The following UNC5C variants were observed in gnomAD, a reference collection of about 807,000 sequenced individuals.
The protein encoded by UNC5C is netrin receptor UNC5C.
In UNC5C, 47 loss-of-function variants were observed where a neutral mutation model predicts 99.8. The observed-to-expected ratio is 0.47, with a 90% CI of 0.37 to 0.60. The LOEUF is 0.60. Among genes scored for constraint, UNC5C ranks in the 20% least tolerant of loss-of-function variants. The probability of loss-of-function intolerance (pLI) is 0.00; values close to 1 mark genes in which losing one functional copy is unlikely to be tolerated. For synonymous variants in UNC5C, 487 were observed against 452.2 expected (o/e 1.08, Z -0.98); for missense variants, 1,062 against 1,165.9 (o/e 0.91, Z 1.30).
At chr4:95,226,497 AG>A (rs1366764461) in intron 7 of UNC5C, among the ~76,000 whole-genome samples, 1 of 152,210 alleles carries the variant, frequency 6.6e-6, no homozygotes, top group African/African-American at 2.4e-5. Context: ...TGGGTCCTTA[AG>A]GGATTTTATC....
At chr4:95,484,274 G>A (rs2149479124) in intron 1 of UNC5C, among the ~76,000 whole-genome samples, 1 of 151,978 alleles carries the variant, frequency 6.6e-6, no homozygotes, top group South Asian at 2.1e-4. Context: ...TTGAGCAAAG[G>A]AGTGATATGA....
chr4:95,498,484 A>G (rs1425551103), intron 1 of UNC5C, among the ~76,000 whole-genome samples: 2 of 152,056 alleles, frequency 1.3e-5, no homozygotes, highest in Non-Finnish European at 2.9e-5. Context: ...TTCTAAAAAC[A>G]CTGAATGAGA....
At chr4:95,288,081 T>TATTTATTTATTTATTC (rs1741303435) in intron 3 of UNC5C, among the ~76,000 whole-genome samples, 1 of 150,904 alleles carries the variant, frequency 6.6e-6, no homozygotes, top group Non-Finnish European at 1.5e-5. Context: ...TTTATTTATT[T>TATTTATTTATTTATTC]ATTTATTTAT....
chr4:95,423,827 A>G (rs1746387458), intron 1 of UNC5C, among the ~76,000 whole-genome samples: 1 of 152,200 alleles, frequency 6.6e-6, no homozygotes, highest in South Asian at 2.1e-4. Flanking sequence ...GAGCCAGGCT[A>G]TAGTAACACT....
At chr4:95,293,487 T>A (rs1161573422) in intron 3 of UNC5C, among the ~76,000 whole-genome samples, 1 of 151,680 alleles carries the variant, frequency 6.6e-6, no homozygotes, top group Non-Finnish European at 1.5e-5. Context: ...TTGGTTAATT[T>A]TTTTTGGCTT....
chr4:95,532,853 G>T (rs913875945), intron 1 of UNC5C, among the ~76,000 whole-genome samples: 1 of 150,240 alleles, frequency 6.7e-6, no homozygotes, highest in South Asian at 2.1e-4. Flanking sequence ...AAATACTCCT[G>T]TCAGTCATGG....
At chr4:95,545,798 C>T (rs773211871) in intron 1 of UNC5C, among the ~76,000 whole-genome samples, 1 of 141,040 alleles carries the variant, frequency 7.1e-6, no homozygotes, top group African/African-American at 2.9e-5. Context: ...ACACACACTG[C>T]CTTTTACTAG....
chr4:95,483,173 G>A (rs756261440), intron 1 of UNC5C, among the ~76,000 whole-genome samples: 3 of 151,422 alleles, frequency 2.0e-5, no homozygotes, highest in South Asian at 2.1e-4. Context: ...AGGAACTCAA[G>A]TTCCATTCAG....
chr4:95,169,144 A>T lies in UNC5C; in HGVS notation c.*90T>A. The T allele has an allele frequency of 1.3e-6, 2 of 1,541,278 alleles. No individual in the cohort carries two copies. The highest frequency in any genetic ancestry group is 2.7e-5 in the African/African-American group (2 of 73,746). ...CTTGCCTGTGAAGTGCATTGGTCTC[A>T]TCTGGATTTCCTCCTCAGCTGTGAT... On this transcript the variant is annotated 3_prime_UTR_variant, in exon 16 of 16. Coordinates refer to ENST00000453304, the MANE Select transcript of UNC5C (RefSeq NM_003728.4).
intron 10 of UNC5C, among the ~76,000 whole-genome samples, chr4:95,207,995 A>T (rs993393700): frequency 6.6e-6 from 1 of 152,186 alleles, no homozygotes; most frequent in East Asian, 1.9e-4. Context: ...TACAGACCAA[A>T]CAACCTCAAT....
chr4:95,472,812 A>G (rs1000828887), intron 1 of UNC5C, among the ~76,000 whole-genome samples: 10 of 152,098 alleles, frequency 6.6e-5, no homozygotes, highest in African/African-American at 2.4e-4. Flanking sequence ...TGCATAAGGC[A>G]CAATGTAGAG....
intron 1 of UNC5C, among the ~76,000 whole-genome samples, chr4:95,487,428 A>C (rs1264689523): frequency 6.6e-6 from 1 of 151,658 alleles, no homozygotes; most frequent in Non-Finnish European, 1.5e-5. Flanking sequence ...CTATTTTGCC[A>C]CAAGAGATAC....
chr4:95,279,427 C>T (rs995236544), intron 3 of UNC5C, among the ~76,000 whole-genome samples: 7 of 152,286 alleles, frequency 4.6e-5, no homozygotes, highest in South Asian at 2.1e-4. Context: ...ATTTTAAACA[C>T]ATCAGAGGCA....
chr4:95,240,689 CCT>C (rs1160073119), intron 7 of UNC5C, among the ~76,000 whole-genome samples: 1 of 152,188 alleles, frequency 6.6e-6, no homozygotes, highest in Non-Finnish European at 1.5e-5. Context: ...ATTCCTCTTC[CCT>C]GTCAATAGAC....
intron 1 of UNC5C, among the ~76,000 whole-genome samples, chr4:95,438,445 A>G (rs1485746728): frequency 3.1e-5 from 1 of 31,758 alleles, no homozygotes; most frequent in East Asian, 9.4e-4. Context: ...CTTTTTGAAA[A>G]TATCATATAA....
chr4:95,404,229 G>C (rs1579387634), intron 1 of UNC5C, among the ~76,000 whole-genome samples: 1 of 152,040 alleles, frequency 6.6e-6, no homozygotes, highest in Non-Finnish European at 1.5e-5. Flanking sequence ...CCATCAAAGG[G>C]AAATAGAATA....
chr4:95,381,386 G>A (rs186305120), intron 1 of UNC5C, among the ~76,000 whole-genome samples: 1 of 152,258 alleles, frequency 6.6e-6, no homozygotes, highest in African/African-American at 2.4e-5. Flanking sequence ...GTATGTGTGG[G>A]GATGCCAAGT....
At chr4:95,381,964 C>T (rs1745083343) in intron 1 of UNC5C, among the ~76,000 whole-genome samples, 2 of 151,894 alleles carry the variant, frequency 1.3e-5, no homozygotes, top group African/African-American at 4.8e-5. Flanking sequence ...AGAGCAAATC[C>T]CAAACTGTAG....
In UNC5C at chr4:95,391,757, T is replaced by TAA. The variant is rs61515733; in HGVS notation, c.125-56128_125-56127dup. Among the ~76,000 whole-genome samples, 474 of 125,872 alleles carry TAA rather than the reference T, an allele frequency of 3.8e-3. 5 individuals are homozygous for TAA. The highest frequency in any genetic ancestry group is 0.011 in the African/African-American group (383 of 34,306). 82.6% of individuals were successfully genotyped at this position (125,872 alleles called of 152,430 possible). ...TAAAGTGAGCTTTGTCCTTTCATGG[T>TAA]AAAAAAAAAAAAAAAAAAAAGGCAC... On this transcript the variant is annotated intron_variant, in intron 1 of 15. Transcript: ENST00000453304.
Sources: gnomAD v4.1 joint callset for allele counts (sites outside exome capture counted in the v4.1 genomes callset) on GRCh38, gnomAD v4.1.1 for gene constraint, MANE v1.5 for transcripts, NCBI Gene and HGNC (gene_info 2026-07-23, HGNC 2026-07-21) for gene names.